Variants in GPHN observed in about 807,000 individuals in gnomAD.
The protein encoded by GPHN is gephyrin.
In GPHN, 17 loss-of-function variants were observed where a neutral mutation model predicts 95.5. The observed-to-expected ratio is 0.18, with a 90% CI of 0.12 to 0.27. GPHN has a LOEUF of 0.27. GPHN is among the 10% of genes least tolerant of loss of function. The probability of loss-of-function intolerance (pLI) is 1.00; values close to 1 mark genes in which losing one functional copy is unlikely to be tolerated. For synonymous variants in GPHN, 320 were observed against 322.5 expected, an observed-to-expected ratio of 0.99 and a Z score of 0.08; for missense variants, 660 against 978.1, an observed-to-expected ratio of 0.67 and a Z score of 4.34.
At chr14:67,643,135 C>A in the GPHN span, among the ~76,000 whole-genome samples, 1 of 152,142 alleles carries the variant, frequency 6.6e-6, no homozygotes, top group Non-Finnish European at 1.5e-5. Flanking sequence ...CAATATGGAC[C>A]CTAGTGACTC....
At chr14:66,663,250 G>A (rs1475309004) in intron 1 of GPHN, among the ~76,000 whole-genome samples, 1 of 152,158 alleles carries the variant, frequency 6.6e-6, no homozygotes, top group African/African-American at 2.4e-5. Flanking sequence ...CCTACAAAGG[G>A]AAGACCATCT....
rs535836517 is a variant in GPHN at position 67,142,621 on chromosome 14, C to A, written c.1749-741C>A. On this transcript the variant is annotated intron_variant, in intron 17 of 22. Transcript: ENST00000478722. ...CCTTGTCCTTTTCCCCCTACCTTTTCTCTTCCCAACATTATGAATACCTAC... is the reference window on the plus strand; with the variant it reads ...CCTTGTCCTTTTCCCCCTACCTTTTATCTTCCCAACATTATGAATACCTAC... Among the ~76,000 whole-genome samples the A allele has an allele frequency of 5.4e-4, 83 of 152,312 alleles. 3 individuals carry two copies. The South Asian group carries it at 0.016, about 29-fold the overall frequency.
intron 1 of GPHN, among the ~76,000 whole-genome samples, chr14:66,656,470 A>G (rs2065312011): frequency 1.3e-5 from 2 of 152,134 alleles, no homozygotes; most frequent in African/African-American, 4.8e-5. Context: ...ATGTGGGAAT[A>G]GGTGTACTTT....
rs138042556 is a variant in GPHN, at chr14:67,113,094, C to A, written c.1549C>A (p.Leu517Ile). ...CCACATGGGCCCCTCAGAGATTGGT[C>A]TTCTGGCAACTGTAGGTGTCACAGA... ...GTHMGPSEIG[L>I]LATVGVTEVE... Residue 517 changes from leucine (L) to isoleucine (I), a missense_variant, in exon 16 of 23, where the codon CTT (leucine) becomes ATT (isoleucine). Transcript: ENST00000478722. 6.2e-7 allele frequency: 1 copy of A among 1,613,686 alleles called. No homozygotes were observed. The highest frequency in any genetic ancestry group is 1.3e-5 in the African/African-American group (1 of 75,036).
chr14:66,511,426 A>G (rs2058037614), intron 1 of GPHN, among the ~76,000 whole-genome samples: 1 of 152,090 alleles, frequency 6.6e-6, no homozygotes, highest in South Asian at 2.1e-4. Context: ...TCGTAATACT[A>G]ATTTTAAGTA....
At chr14:66,703,485 A>T (rs556059127) in intron 2 of GPHN, among the ~76,000 whole-genome samples, 2 of 152,230 alleles carry the variant, frequency 1.3e-5, no homozygotes, top group Non-Finnish European at 2.9e-5. Flanking sequence ...TTGGGGGCCA[A>T]TATTCAACAT....
chr14:67,586,027 G>C, the GPHN span: 26 of 1,613,824 alleles, frequency 1.6e-5, no homozygotes, highest in South Asian at 2.4e-4. Flanking sequence ...CTTGTGATTA[G>C]ATCTATCCCA....
At chr14:67,371,294 A>G in the GPHN span, among the ~76,000 whole-genome samples, 1 of 151,478 alleles carries the variant, frequency 6.6e-6, no homozygotes, top group African/African-American at 2.4e-5. Flanking sequence ...GTGTACCTGT[A>G]AAGTAGTTCC....
intron 8 of GPHN, among the ~76,000 whole-genome samples, chr14:66,951,671 G>A (rs568012880): frequency 6.6e-6 from 1 of 152,246 alleles, no homozygotes; most frequent in South Asian, 2.1e-4. Flanking sequence ...TCAAGATTTA[G>A]TATAATGATA....
intron 1 of GPHN, among the ~76,000 whole-genome samples, chr14:66,561,350 G>A (rs950516677): frequency 2.6e-5 from 4 of 152,032 alleles, no homozygotes; most frequent in South Asian, 4.1e-4. Flanking sequence ...GGTAGAATTC[G>A]GCTGAATCCA....
chr14:67,160,759 A>G (rs1472788825), intron 19 of GPHN, among the ~76,000 whole-genome samples: 2 of 152,190 alleles, frequency 1.3e-5, no homozygotes, highest in African/African-American at 4.8e-5. Flanking sequence ...GGGTACCATC[A>G]ACAAATTTCA....
At chr14:67,151,802 C>G (rs2081302983) in intron 18 of GPHN, among the ~76,000 whole-genome samples, 1 of 152,148 alleles carries the variant, frequency 6.6e-6, no homozygotes, top group Non-Finnish European at 1.5e-5. Context: ...TGCCATCATG[C>G]CTGGCTAATT....
At chr14:66,871,522 C>T (rs1172263001) in intron 4 of GPHN, among the ~76,000 whole-genome samples, 2 of 152,162 alleles carry the variant, frequency 1.3e-5, no homozygotes, top group African/African-American at 2.4e-5. Context: ...GTGTTAACCT[C>T]CATAAAGCAA....
At chr14:67,609,651 C>T in the GPHN span, among the ~76,000 whole-genome samples, 5,470 of 152,220 alleles carry the variant, frequency 0.036, 256 homozygotes, top group African/African-American at 0.11. Context: ...TTACAAAACT[C>T]ACCTCCTTAA....
chr14:67,080,912 T>G (rs1362386088), intron 11 of GPHN, among the ~76,000 whole-genome samples: 1 of 152,218 alleles, frequency 6.6e-6, no homozygotes, highest in Non-Finnish European at 1.5e-5. Context: ...TCCAGTTCCA[T>G]CCAGTTTGCT....
chr14:66,738,875 T>C (rs1475351683), intron 2 of GPHN, among the ~76,000 whole-genome samples: 1 of 152,154 alleles, frequency 6.6e-6, no homozygotes, highest in Non-Finnish European at 1.5e-5. Context: ...GAAATCATTT[T>C]AATACTGTAT....
chr14:67,542,112 T>G, the GPHN span: 1 of 970,398 alleles, frequency 1.0e-6, no homozygotes. Context: ...TTTCCCCATA[T>G]GCAAAATGAA....
At chr14:66,908,024 A>G (rs1385417958) in intron 5 of GPHN, among the ~76,000 whole-genome samples, 1 of 152,080 alleles carries the variant, frequency 6.6e-6, no homozygotes, top group Non-Finnish European at 1.5e-5. Flanking sequence ...TTTGTTTTAT[A>G]TATATATATA....
chr14:67,593,987 C>T, the GPHN span: 14 of 1,420,022 alleles, frequency 9.9e-6, no homozygotes, highest in Non-Finnish European at 1.4e-5. Context: ...AGTAAGATTA[C>T]CAAGTGGTAC....
Sources: allele counts gnomAD v4.1 joint callset (sites outside exome capture counted in the v4.1 genomes callset), GRCh38; gene constraint gnomAD v4.1.1; transcripts MANE v1.5; gene names NCBI Gene and HGNC (gene_info 2026-07-23, HGNC 2026-07-21).